Variants in HSD17B2 observed in about 807,000 individuals in gnomAD.
HSD17B2 encodes the protein 17-beta-hydroxysteroid dehydrogenase type 2.
In HSD17B2, 32 loss-of-function variants were observed where a neutral mutation model predicts 26.9. That is an observed-to-expected ratio of 1.19 (90% CI 0.90 to 1.60). The LOEUF (loss-of-function observed/expected upper bound fraction) is 1.60, where lower values mean the gene tolerates loss of function less well. Among genes scored for constraint, HSD17B2 ranks in the 40% most tolerant of loss-of-function variants. The pLI is 0.00. For missense variants in HSD17B2, 613 were observed against 468.6 expected (o/e 1.31, Z -2.85); for synonymous variants, 246 against 186.7 (o/e 1.32, Z -2.59).
Position 82,090,935 on chromosome 16 carries a change from G to C in HSD17B2, c.698G>C (p.Gly233Ala). Residue 233 changes from glycine (G) to alanine (A), a missense_variant, in exon 4 of 5, where the codon GGC (glycine) becomes GCC (alanine). Transcript: ENST00000199936. ...GAPMERLASY[G>A]SSKAAVTMFS... ...CCAATGGAAAGGCTGGCATCTTATG[G>C]CTCATCAAAGGCGGCTGTGACCATG... 2 of 1,613,916 alleles carry C rather than the reference G, an allele frequency of 1.2e-6. No homozygotes were observed. Among genetic ancestry groups the C allele is most frequent in the Non-Finnish European group, 1.7e-6 (2 of 1,179,890 alleles).
chr16:82,071,005 T>C lies in HSD17B2; in HGVS notation c.542T>C (p.Leu181Pro), dbSNP rs1487638424. Residue 181 changes from leucine (L) to proline (P), a missense_variant, in exon 3 of 5, where the codon CTT (leucine) becomes CCT (proline). Transcript: ENST00000199936. ...TTTCCAACTGATGGGGAGCTTCTTC[T>C]TATGACTGACTACAAACAATGCATG... ...LGFPTDGELL[L>P]MTDYKQCMAV... 2 of 1,614,126 alleles carry C rather than the reference T, an allele frequency of 1.2e-6. No homozygotes were observed. Among genetic ancestry groups the C allele is most frequent in the African/African-American group, 2.7e-5 (2 of 74,946 alleles).
chr16:82,079,035 T>C (rs762148312), intron 3 of HSD17B2, among the ~76,000 whole-genome samples: 36 of 152,350 alleles, frequency 2.4e-4, no homozygotes, highest in Non-Finnish European at 3.5e-4. Flanking sequence ...CATAAATGGA[T>C]TGTGTGCAAC....
At chr16:82,091,322 C>T (rs1904687554) in intron 4 of HSD17B2, 3 of 442,356 alleles carry the variant, frequency 6.8e-6, no homozygotes, top group Non-Finnish European at 1.3e-5. Context: ...TGAAAAAGTA[C>T]AAGGGTCCAT....
At chr16:82,076,205 TA>T (rs957984697) in intron 3 of HSD17B2, among the ~76,000 whole-genome samples, 62 of 150,982 alleles carry the variant, frequency 4.1e-4, no homozygotes, top group African/African-American at 1.3e-3. Context: ...AACCCTCAAT[TA>T]AAAAAAAACT....
At chr16:82,084,462 A>C (rs1904466258) in intron 3 of HSD17B2, among the ~76,000 whole-genome samples, 1 of 152,168 alleles carries the variant, frequency 6.6e-6, no homozygotes. Flanking sequence ...TAGCACAGTT[A>C]CTGGTATATA....
intron 1 of HSD17B2, among the ~76,000 whole-genome samples, chr16:82,051,972 G>A (rs1643754208): frequency 6.6e-6 from 1 of 152,218 alleles, no homozygotes; most frequent in African/African-American, 2.4e-5. Context: ...ACCTGGTGCA[G>A]GTCTCTATCA....
intron 1 of HSD17B2, among the ~76,000 whole-genome samples, chr16:82,062,304 A>G (rs1200253685): frequency 6.6e-6 from 1 of 152,196 alleles, no homozygotes; most frequent in East Asian, 1.9e-4. Context: ...AGACAGAATG[A>G]TCCCAAATGA....
chr16:82,097,957 AAAAT>A, intron 4 of HSD17B2, 114 bp from the exon 5 acceptor site: 1 of 929,538 alleles, frequency 1.1e-6, no homozygotes. Flanking sequence ...AAAAAATAAA[AAAAT>A]AAATAAATAA....
intron 1 of HSD17B2, among the ~76,000 whole-genome samples, chr16:82,039,616 G>T (rs949955749): frequency 6.6e-6 from 1 of 152,224 alleles, no homozygotes; most frequent in East Asian, 1.9e-4. Context: ...CCTTCATCTT[G>T]GACACACATT....
chr16:82,088,772 A>G (rs1904599814), intron 3 of HSD17B2, among the ~76,000 whole-genome samples: 3 of 152,114 alleles, frequency 2.0e-5, no homozygotes, highest in Admixed American at 2.0e-4. Flanking sequence ...TAACCAGTTT[A>G]ATGAGAGTCT....
At chr16:82,065,653 G>T (rs899630147) in intron 1 of HSD17B2, among the ~76,000 whole-genome samples, 2 of 152,194 alleles carry the variant, frequency 1.3e-5, no homozygotes, top group Non-Finnish European at 2.9e-5. Flanking sequence ...TTATTTTCAG[G>T]TTAATTCATA....
chr16:82,044,855 C>T (rs1215388955), intron 1 of HSD17B2, among the ~76,000 whole-genome samples: 4 of 152,076 alleles, frequency 2.6e-5, no homozygotes, highest in African/African-American at 9.7e-5. Flanking sequence ...TGGTGGCTCA[C>T]GCTTGTAATC....
At chr16:82,070,490 C>T (rs1207926139) in intron 2 of HSD17B2, among the ~76,000 whole-genome samples, 3 of 152,244 alleles carry the variant, frequency 2.0e-5, no homozygotes, top group African/African-American at 7.2e-5. Flanking sequence ...CCATCCATCT[C>T]CTAAAAACCT....
chr16:82,089,307 T>C (rs1904617007), intron 3 of HSD17B2, among the ~76,000 whole-genome samples: 1 of 152,212 alleles, frequency 6.6e-6, no homozygotes, highest in Non-Finnish European at 1.5e-5. Flanking sequence ...GTTCATTCCC[T>C]TTTATGGCTG....
In HSD17B2 at chr16:82,068,397, A is replaced by C. The variant is rs1914623267; in HGVS notation, c.478+15A>C. The C allele has an allele frequency of 1.9e-6, 3 of 1,596,644 alleles. No individual in the cohort carries two copies. The highest frequency in any genetic ancestry group is 2.6e-6 in the Non-Finnish European group (3 of 1,170,600). ...GCAGGACAGAGGTACTGCCGCCAGC[A>C]CCCTCAGTGCCTTTACCCTCCTCCT... is the stretch of plus-strand genomic sequence containing the variant. On this transcript the variant is annotated intron_variant, in intron 2 of 4. Coordinates refer to ENST00000199936, the MANE Select transcript of HSD17B2 (RefSeq NM_002153.3).
intron 1 of HSD17B2, among the ~76,000 whole-genome samples, chr16:82,042,065 C>T (rs368355727): frequency 2.0e-5 from 3 of 150,810 alleles, no homozygotes; most frequent in African/African-American, 4.9e-5. Context: ...TGCAGTGGTG[C>T]GATCTTGGTT....
intron 1 of HSD17B2, among the ~76,000 whole-genome samples, chr16:82,049,478 G>C (rs1044486313): frequency 1.3e-5 from 2 of 152,226 alleles, no homozygotes; most frequent in African/African-American, 2.4e-5. Context: ...AGGGAATGGA[G>C]ATTTAACTGC....
intron 4 of HSD17B2, chr16:82,094,657 T>C (rs909640684): frequency 1.3e-5 from 2 of 152,224 alleles, no homozygotes; most frequent in African/African-American, 2.4e-5. Context: ...TTCATACTTA[T>C]ATTTATTTGA....
chr16:82,075,395 A>T lies in HSD17B2; in HGVS notation c.664+4268A>T, dbSNP rs76179374. ...ATTGAAAAGAAGAAGACAATACAAA[A>T]GATCAGCAAAATGAAAAGTTGGTTT... On this transcript the variant is annotated intron_variant, in intron 3 of 4. Coordinates refer to ENST00000199936, the MANE Select transcript of HSD17B2 (RefSeq NM_002153.3). 5.9e-4 allele frequency among the ~76,000 whole-genome samples: 90 copies of T among 152,258 alleles called. 2 individuals are homozygous for T. In the East Asian group the frequency reaches 0.013, roughly 22 times the overall value.
Sources: gnomAD v4.1 joint callset for allele counts (sites outside exome capture counted in the v4.1 genomes callset) on GRCh38, gnomAD v4.1.1 for gene constraint, MANE v1.5 for transcripts, NCBI Gene and HGNC (gene_info 2026-07-23, HGNC 2026-07-21) for gene names.